ZNF274: variants seen among roughly 807,000 people sequenced by gnomAD.
The protein encoded by ZNF274 is zinc finger protein 274.
ZNF274 carries 23 observed loss-of-function variants against 42.5 expected under a neutral mutation model. The ratio of observed to expected loss-of-function variants is 0.54; its 90% CI spans 0.39 to 0.77. The LOEUF (loss-of-function observed/expected upper bound fraction) is 0.77. ZNF274 is among the 30% of genes least tolerant of loss of function. The probability of loss-of-function intolerance (pLI) is 0.00; values close to 1 mark genes in which losing one functional copy is unlikely to be tolerated. For synonymous variants in ZNF274, 292 were observed against 305.4 expected (o/e 0.96, Z 0.46); for missense variants, 679 against 806.5 (o/e 0.84, Z 1.91).
chr19:58,191,690 A>AG (rs1490502005), intron 4 of ZNF274, among the ~76,000 whole-genome samples: 1 of 152,268 alleles, frequency 6.6e-6, no homozygotes, highest in East Asian at 1.9e-4. Context: ...AGGCCACATG[A>AG]GGGGAGGCTC....
At position 58,186,931 on chromosome 19, in the gene ZNF274, C is replaced by T. The variant is rs2075707114; in HGVS notation, c.161-16C>T. The T allele has an allele frequency of 1.2e-6, 2 of 1,611,354 alleles. No homozygotes were observed. Among genetic ancestry groups the T allele is most frequent in the Middle Eastern group, 1.6e-4 (1 of 6,084 alleles). On this transcript the variant is annotated splice_polypyrimidine_tract_variant and intron_variant, in intron 3 of 7. Transcript: ENST00000617501. Reference sequence around the variant, plus strand: ...ACACAGACCCCCACAAGCCCTGTCTCTTTTCCTTTGAGCAGAACATCAGCT... The same window carrying T: ...ACACAGACCCCCACAAGCCCTGTCTTTTTTCCTTTGAGCAGAACATCAGCT...
Position 58,206,854 on chromosome 19 carries a change from C to T in ZNF274, c.391C>T (p.Leu131=), listed in dbSNP as rs748619155. 3.7e-6 allele frequency: 6 copies of T among 1,613,952 alleles called. No homozygotes were observed. The highest frequency in any genetic ancestry group is 5.1e-6 in the Non-Finnish European group (6 of 1,179,870). The change falls in exon 5 of 8, where the codon CTA becomes TTA. Residue 131 remains leucine (L), a synonymous_variant. Transcript: ENST00000617501. ...AGPRNAQIQA[L]YAEDGSLSAD... ...TCCCCGGAATGCCCAGATCCAGGCC[C>T]TATATGCTGAAGATGGAAGCCTGAG...
chr19:58,201,191 T>C (rs1026104556), intron 4 of ZNF274, among the ~76,000 whole-genome samples: 4 of 150,090 alleles, frequency 2.7e-5, no homozygotes, highest in African/African-American at 7.3e-5. Context: ...TTTTTTTTTT[T>C]TGTGGAGATG....
intron 2 of ZNF274, chr19:58,185,400 A>T (rs2075685489): frequency 6.6e-6 from 1 of 152,276 alleles, no homozygotes; most frequent in African/African-American, 2.4e-5. Context: ...CTCCACTAGG[A>T]GACAGAGTGA....
chr19:58,204,763 C>G (rs937878558), intron 4 of ZNF274, among the ~76,000 whole-genome samples: 1 of 152,140 alleles, frequency 6.6e-6, no homozygotes, highest in Non-Finnish European at 1.5e-5. Context: ...TTTGTCCTAA[C>G]ACCGCGCGGG....
intron 4 of ZNF274, 61 bp downstream of exon 4, chr19:58,187,103 G>C: frequency 7.1e-7 from 1 of 1,417,302 alleles, no homozygotes. Flanking sequence ...TCAGGGACCA[G>C]TATCTTGGAA....
At position 58,185,849 on chromosome 19, in the gene ZNF274, C is replaced by A; in HGVS notation, c.160+11C>A. 1.5e-6 allele frequency: 2 copies of A among 1,361,126 alleles called. No homozygotes were observed. Among genetic ancestry groups the A allele is most frequent in the South Asian group, 2.2e-5 (1 of 45,204 alleles). The allele number at this position is 1,361,126 out of a possible 1,614,324, so 84.3% of individuals were successfully genotyped here. On this transcript the variant is annotated intron_variant, in intron 3 of 7. Transcript: ENST00000617501. ...ACCTGGTCTCAGTGGGTAAGGCTGG[C>A]CTCCAGGTCAAGAAGGATCTGTGCT...
In ZNF274 at chr19:58,185,749, C is replaced by A. The variant is rs769545014; in HGVS notation, c.71C>A (p.Thr24Asn). ...TTTGAAGATGTAACACTGGGTTTTA[C>A]CCCGGAAGAGTGGGGACTGCTGGAC... Reference protein sequence around the residue: ...VTFEDVTLGFTPEEWGLLDLK... With the variant: ...VTFEDVTLGFNPEEWGLLDLK... The change falls in exon 3 of 8, where the codon ACC (threonine) becomes AAC (asparagine). Residue 24 changes from threonine (T) to asparagine (N), a missense_variant. Thr to Asn is a moderately conservative substitution (Grantham distance 65). Coordinates refer to ENST00000617501, the MANE Select transcript of ZNF274 (RefSeq NM_133502.3). 2 of 1,463,628 alleles carry A rather than the reference C, an allele frequency of 1.4e-6. No homozygotes were observed. The highest frequency in any genetic ancestry group is 1.8e-6 in the Non-Finnish European group (2 of 1,101,912). The allele number at this position is 1,463,628 out of a possible 1,614,324, so 90.7% of individuals were successfully genotyped here. A position where few individuals can be genotyped will look rare whatever the true frequency, so the allele number is the denominator to read the frequency against.
chr19:58,191,294 C>T (rs113747485), intron 4 of ZNF274, among the ~76,000 whole-genome samples: 11,648 of 152,232 alleles, frequency 0.077, 504 homozygotes, highest in South Asian at 0.13. Context: ...CACACCACCA[C>T]GCTCAGCTAA....
chr19:58,202,003 CAG>C (rs2075918263), intron 4 of ZNF274, among the ~76,000 whole-genome samples: 1 of 152,076 alleles, frequency 6.6e-6, no homozygotes, highest in Non-Finnish European at 1.5e-5. Context: ...CTGGAGGAGA[CAG>C]ATGCAGAAGG....
At chr19:58,200,949 T>C (rs2075902444) in intron 4 of ZNF274, among the ~76,000 whole-genome samples, 5 of 151,830 alleles carry the variant, frequency 3.3e-5, no homozygotes, top group Admixed American at 1.3e-4. Context: ...AGCAGGCACA[T>C]CATGGGAAAA....
chr19:58,209,687 G>T, intron 5 of ZNF274: 1 of 287,470 alleles, frequency 3.5e-6, no homozygotes, highest in Non-Finnish European at 6.6e-6. Flanking sequence ...CCCCGGAAAG[G>T]GAAGGAGTGG....
In ZNF274 at chr19:58,211,421, GTC is replaced by G; in HGVS notation, c.853-135_853-134del. The G allele has an allele frequency of 8.6e-7, 1 of 1,158,018 alleles. No homozygotes were observed. The highest frequency in any genetic ancestry group is 1.2e-6 in the Non-Finnish European group (1 of 845,434). 71.7% of individuals were successfully genotyped at this position (1,158,018 alleles called of 1,614,324 possible). On this transcript the variant is annotated intron_variant, in intron 6 of 7. Transcript: ENST00000617501. The surrounding 1 kb of genome is among the most constrained non-coding windows in gnomAD (Gnocchi z 4.8). ...GAACTCTTGTGGGCCCTGGGTTGGT[GTC>G]TCTGAGCAAATCCCCAAAGCAGGAG...
chr19:58,206,641 A>T, intron 4 of ZNF274, 79 bp from the exon 5 acceptor site: 10 of 1,461,258 alleles, frequency 6.8e-6, no homozygotes, highest in Non-Finnish European at 9.1e-6. Context: ...TTTGACTTGC[A>T]TTTCCCTAGT....
chr19:58,205,915 T>C (rs1017469944), intron 4 of ZNF274, among the ~76,000 whole-genome samples: 1 of 152,230 alleles, frequency 6.6e-6, no homozygotes, highest in Non-Finnish European at 1.5e-5. Context: ...TCTTTCCCTA[T>C]AACAGCTCTA....
rs1022156983 is a variant in ZNF274, at chr19:58,198,176, C to T, written c.257-8544C>T. On this transcript the variant is annotated intron_variant, in intron 4 of 7. Transcript: ENST00000617501. ...AGAAGAAAAAAATATTCCAAGAGCTCATTTTCTGGATAGGCAGAATGCCAA... is the reference window on the plus strand; with the variant it reads ...AGAAGAAAAAAATATTCCAAGAGCTTATTTTCTGGATAGGCAGAATGCCAA... Among the ~76,000 whole-genome samples the T allele has an allele frequency of 5.9e-5, 9 of 152,108 alleles. No homozygotes were observed. In the South Asian group the frequency reaches 1.2e-3, roughly 21 times the overall value.
At chr19:58,197,742 GA>G (rs1359012554) in intron 4 of ZNF274, among the ~76,000 whole-genome samples, 7 of 152,220 alleles carry the variant, frequency 4.6e-5, no homozygotes, top group African/African-American at 1.7e-4. Context: ...GTGCTACAAA[GA>G]ACTCTGCGGG....
At chr19:58,203,792 G>C (rs1015460565) in intron 4 of ZNF274, among the ~76,000 whole-genome samples, 1 of 152,192 alleles carries the variant, frequency 6.6e-6, no homozygotes, top group Non-Finnish European at 1.5e-5. Flanking sequence ...TGGGGGAAGA[G>C]GTTGGAATTA....
At chr19:58,185,897 C>A in intron 3 of ZNF274, 59 bp downstream of exon 3, 1 of 1,314,968 alleles carries the variant, frequency 7.6e-7, no homozygotes, top group Non-Finnish European at 9.8e-7. Context: ...TGTAGCACCT[C>A]TGAAGTATGT....
Sources: allele counts gnomAD v4.1 joint callset (sites outside exome capture counted in the v4.1 genomes callset), GRCh38; gene constraint gnomAD v4.1.1; non-coding constraint Gnocchi (gnomAD v3.1); transcripts MANE v1.5; gene names NCBI Gene and HGNC (gene_info 2026-07-23, HGNC 2026-07-21).